Variants in MSRB3 observed in about 807,000 individuals in gnomAD.
The protein encoded by MSRB3 is methionine sulfoxide reductase B3, also known as methionine-R-sulfoxide reductase B3.
In MSRB3, 13 loss-of-function variants were observed where a neutral mutation model predicts 21.0. The observed-to-expected ratio is 0.62, with a 90% CI of 0.40 to 0.98. The LOEUF (loss-of-function observed/expected upper bound fraction) is 0.98. Ranked by LOEUF, MSRB3 falls within the 50% of genes least tolerant of loss-of-function variation. MSRB3 has a pLI of 0.00. For synonymous variants in MSRB3, 87 were observed against 88.6 expected, an observed-to-expected ratio of 0.98 and a Z score of 0.10; for missense variants, 199 against 230.3, an observed-to-expected ratio of 0.86 and a Z score of 0.88.
Position 65,347,381 on chromosome 12 carries a change from CTGTT to C in MSRB3, c.263+18782_263+18785del, listed in dbSNP as rs1308992572. 5.3e-5 allele frequency among the ~76,000 whole-genome samples: 8 copies of C among 152,240 alleles called. No individual in the cohort carries two copies. The East Asian group carries it at 1.4e-3, about 26-fold the overall frequency. ...GGGAGTTCACTCATGATTTGGCTCT[CTGTT>C]TGTCTGTTATTGGTGTATTAGAATG... On this transcript the variant is annotated intron_variant, in intron 4 of 6. Coordinates refer to ENST00000308259, the MANE Select transcript of MSRB3 (RefSeq NM_001031679.3).
At chr12:65,338,886 G>T (rs960921165) in intron 4 of MSRB3, among the ~76,000 whole-genome samples, 1 of 151,968 alleles carries the variant, frequency 6.6e-6, no homozygotes, top group African/African-American at 2.4e-5. Context: ...ACCAGCCTAG[G>T]CAACATGGTG....
intron 2 of MSRB3, among the ~76,000 whole-genome samples, chr12:65,314,368 G>T (rs754099259): frequency 6.6e-6 from 1 of 151,888 alleles, no homozygotes; most frequent in Non-Finnish European, 1.5e-5. Flanking sequence ...AGCATGAATC[G>T]ATTTTTGCAT....
chr12:65,294,171 G>A (rs1279326713), intron 1 of MSRB3, among the ~76,000 whole-genome samples: 1 of 152,174 alleles, frequency 6.6e-6, no homozygotes. Context: ...CATTGCCACA[G>A]AACCCTTGTT....
rs574367600 is a variant in MSRB3, at chr12:65,279,200, A to T, written c.-52+335A>T. The stretch of plus-strand genomic sequence containing the variant: ...CCCCGCGCGGGCCCAGGAGAGAGGG[A>T]TCTGGCGGGGCAGCCCGCGGGAGGC... On this transcript the variant is annotated intron_variant, in intron 1 of 6. Coordinates refer to ENST00000308259, the MANE Select transcript of MSRB3 (RefSeq NM_001031679.3). 9 of 575,136 alleles carry T rather than the reference A, an allele frequency of 1.6e-5. No individual in the cohort carries two copies. In the Admixed American group the frequency reaches 1.9e-4, roughly 12 times the overall value. 35.6% of individuals were successfully genotyped at this position (575,136 alleles called of 1,614,324 possible).
chr12:65,383,708 T>A (rs570109608), intron 5 of MSRB3, among the ~76,000 whole-genome samples: 1 of 151,164 alleles, frequency 6.6e-6, no homozygotes, highest in Non-Finnish European at 1.5e-5. Flanking sequence ...TCGCCTGGGC[T>A]AGAGTGCAGT....
chr12:65,306,431 G>A (rs1873658540), intron 1 of MSRB3, among the ~76,000 whole-genome samples: 1 of 152,146 alleles, frequency 6.6e-6, no homozygotes, highest in South Asian at 2.1e-4. Context: ...TTTCAGAGTG[G>A]TTTATGAGTA....
At chr12:65,311,080 G>C (rs894537968) in intron 2 of MSRB3, among the ~76,000 whole-genome samples, 4 of 152,078 alleles carry the variant, frequency 2.6e-5, no homozygotes, top group African/African-American at 7.2e-5. Context: ...TTTTAAACAT[G>C]TCCTATGTTT....
rs144038296 is a variant in MSRB3 at position 65,463,294 on chromosome 12, C to T, written c.530C>T (p.Pro177Leu). The T allele has an allele frequency of 7.4e-5, 119 of 1,614,028 alleles. No homozygotes were observed. The African/African-American group carries it at 1.2e-3, about 16-fold the overall frequency. Residue 177 changes from proline to leucine, a missense_variant, in exon 7 of 7, where the codon CCG (proline) becomes CTG (leucine). Physicochemically the swap from Pro to Leu is moderately conservative, Grantham distance 98. Transcript: ENST00000308259. ...TAEGGSGVAS[P>L]AQADKAEL ...GAGGGAGGCAGTGGGGTCGCCAGCC[C>T]GGCCCAGGCAGACAAAGCGGAGCTC...
chr12:65,371,050 G>T (rs890709114), intron 5 of MSRB3, among the ~76,000 whole-genome samples: 1 of 152,066 alleles, frequency 6.6e-6, no homozygotes, highest in Non-Finnish European at 1.5e-5. Context: ...GCATAGGGCC[G>T]GGCACAGTGG....
chr12:65,460,441 C>T (rs551559954), intron 6 of MSRB3, among the ~76,000 whole-genome samples: 3 of 152,326 alleles, frequency 2.0e-5, no homozygotes, highest in South Asian at 4.1e-4. Flanking sequence ...AATGGCACTG[C>T]GTGGTTAGGC....
Position 65,349,562 on chromosome 12 carries a change from C to T in MSRB3, c.264-19436C>T, listed in dbSNP as rs1185112031. On this transcript the variant is annotated intron_variant, in intron 4 of 6. Transcript: ENST00000308259. ...TGTTCCTATTTCTCCACATCCTCTC[C>T]GGCACCTGTTGTTTCCTGACTTTTT... is the stretch of plus-strand genomic sequence containing the variant. Among the ~76,000 whole-genome samples, 17 of 148,294 alleles carry T rather than the reference C, an allele frequency of 1.1e-4. No homozygotes were observed. In the East Asian group the frequency reaches 2.1e-3, roughly 19 times the overall value.
chr12:65,345,665 T>G (rs780126147), intron 4 of MSRB3, among the ~76,000 whole-genome samples: 2 of 152,164 alleles, frequency 1.3e-5, no homozygotes, highest in Non-Finnish European at 2.9e-5. Flanking sequence ...TGTGCCATGT[T>G]GGTGTGCTGC....
chr12:65,309,498 A>AT (rs1423522651), intron 2 of MSRB3, among the ~76,000 whole-genome samples: 2 of 152,120 alleles, frequency 1.3e-5, no homozygotes, highest in African/African-American at 4.8e-5. Context: ...GGTAAAGCTG[A>AT]TTTTTTTCAA....
chr12:65,388,687 T>C (rs1334838953), intron 5 of MSRB3, among the ~76,000 whole-genome samples: 3 of 151,856 alleles, frequency 2.0e-5, no homozygotes, highest in South Asian at 2.1e-4. Context: ...CTGGGCAACA[T>C]AGTGAGAACC....
chr12:65,382,646 C>T (rs979804163), intron 5 of MSRB3, among the ~76,000 whole-genome samples: 9 of 151,624 alleles, frequency 5.9e-5, no homozygotes, highest in Admixed American at 3.9e-4. Context: ...AGCAGTATCC[C>T]TTGAAATATT....
chr12:65,412,014 G>A (rs1880741168), intron 5 of MSRB3, among the ~76,000 whole-genome samples: 1 of 152,030 alleles, frequency 6.6e-6, no homozygotes, highest in Non-Finnish European at 1.5e-5. Context: ...TCTCATGTGG[G>A]AGAACCTATT....
chr12:65,418,664 A>T, intron 5 of MSRB3: 19 of 581,138 alleles, frequency 3.3e-5, no homozygotes, highest in Middle Eastern at 9.3e-4. Flanking sequence ...TTTTTTTTTT[A>T]ACCTCTGAAC....
At chr12:65,278,941 C>A in intron 1 of MSRB3, 76 bp downstream of exon 1, 1 of 1,531,860 alleles carries the variant, frequency 6.5e-7, no homozygotes, top group Non-Finnish European at 8.8e-7. Context: ...AGGGTGTGAC[C>A]CCGAGCCGGG....
intron 5 of MSRB3, chr12:65,418,589 C>G (rs2136638363): frequency 1.8e-6 from 1 of 561,324 alleles, no homozygotes; most frequent in African/African-American, 1.9e-5. Context: ...GAGCTTTTCC[C>G]TGTTTTGTTC....
Sources: gnomAD v4.1 joint callset for allele counts (sites outside exome capture counted in the v4.1 genomes callset) on GRCh38, gnomAD v4.1.1 for gene constraint, MANE v1.5 for transcripts, NCBI Gene and HGNC (gene_info 2026-07-23, HGNC 2026-07-21) for gene names.